The following FLT1 variants were observed in gnomAD, a reference collection of about 807,000 sequenced individuals.
FLT1 encodes the protein vascular endothelial growth factor receptor 1.
FLT1 carries 49 observed loss-of-function variants against 156.3 expected under a neutral mutation model. The observed-to-expected ratio is 0.31, with a 90% CI of 0.25 to 0.40. The LOEUF is 0.40. Ranked by LOEUF, FLT1 falls within the 10% of genes least tolerant of loss-of-function variation. The pLI is 1.00. For synonymous variants in FLT1, 594 were observed against 583.8 expected, an observed-to-expected ratio of 1.02 and a Z score of -0.25; for missense variants, 1,322 against 1,637.2, an observed-to-expected ratio of 0.81 and a Z score of 3.32.
chr13:28,433,476 T>C (rs1475994193), intron 6 of FLT1, among the ~76,000 whole-genome samples: 1 of 152,258 alleles, frequency 6.6e-6, no homozygotes, highest in East Asian at 1.9e-4. Context: ...AGGCAGTCCC[T>C]GCCTGGCATT....
chr13:28,429,229 AG>A (rs1877531688), intron 8 of FLT1, among the ~76,000 whole-genome samples: 1 of 152,210 alleles, frequency 6.6e-6, no homozygotes, highest in East Asian at 1.9e-4. Context: ...TAAGTATTTG[AG>A]GGAACTGCAA....
intron 10 of FLT1, among the ~76,000 whole-genome samples, chr13:28,411,534 G>A (rs1378913988): frequency 2.1e-5 from 2 of 97,032 alleles, no homozygotes; most frequent in African/African-American, 8.4e-5. Context: ...CAAGAAGAGC[G>A]AAACTCCATC....
intron 10 of FLT1, among the ~76,000 whole-genome samples, chr13:28,424,737 C>T (rs1029984582): frequency 7.9e-5 from 12 of 152,110 alleles, no homozygotes; most frequent in Non-Finnish European, 1.2e-4. Context: ...AATTATTCTA[C>T]GTATTTGAGA....
At chr13:28,361,108 G>A (rs1308879250) in intron 14 of FLT1, among the ~76,000 whole-genome samples, 2 of 151,828 alleles carry the variant, frequency 1.3e-5, no homozygotes, top group Non-Finnish European at 2.9e-5. Context: ...GTGACACCCC[G>A]TCTCTACTAA....
In FLT1 at chr13:28,431,541, C is replaced by T. The variant is rs761157064; in HGVS notation, c.814-231G>A. On this transcript the variant is annotated intron_variant, in intron 6 of 29. Transcript: ENST00000282397. ...TAGCACTTAATTTTCTTCAAATACA[C>T]TTTCACATATACTATCTCAATTGTT... Among the ~76,000 whole-genome samples, 6 of 152,304 alleles carry T rather than the reference C, an allele frequency of 3.9e-5. No homozygotes were observed. In the South Asian group the frequency reaches 1.2e-3, roughly 32 times the overall value.
At chr13:28,363,132 T>TA (rs1327150912) in intron 14 of FLT1, among the ~76,000 whole-genome samples, 5 of 152,248 alleles carry the variant, frequency 3.3e-5, no homozygotes, top group African/African-American at 4.8e-5. Flanking sequence ...AATCTGTTGA[T>TA]ACTCACTTTA....
chr13:28,487,688 G>A (rs1304380386), intron 1 of FLT1, among the ~76,000 whole-genome samples: 1 of 152,138 alleles, frequency 6.6e-6, no homozygotes, highest in African/African-American at 2.4e-5. Flanking sequence ...ACAATGCAGC[G>A]AGACAATGAC....
chr13:28,446,807 A>G (rs1878641400), intron 3 of FLT1, among the ~76,000 whole-genome samples: 1 of 152,244 alleles, frequency 6.6e-6, no homozygotes, highest in Non-Finnish European at 1.5e-5. Context: ...TCTAAAATTC[A>G]TATGAAATTG....
intron 1 of FLT1, among the ~76,000 whole-genome samples, chr13:28,484,118 C>A (rs628930): frequency 1.3e-5 from 2 of 152,008 alleles, no homozygotes; most frequent in Admixed American, 1.3e-4. Flanking sequence ...CCTGTGCTGA[C>A]ATGTTCACAT....
chr13:28,300,611 T>G lies in FLT1; in HGVS notation c.*2556A>C, dbSNP rs1257172859. The G allele has an allele frequency of 1.3e-5, 3 of 232,538 alleles. No homozygotes were observed. Among genetic ancestry groups the G allele is most frequent in the African/African-American group, 6.7e-5 (3 of 45,038 alleles). 14.4% of individuals were successfully genotyped at this position (232,538 alleles called of 1,614,324 possible). A position where few individuals can be genotyped will look rare whatever the true frequency, so the allele number is the denominator to read the frequency against. On this transcript the variant is annotated 3_prime_UTR_variant, in exon 30 of 30. Coordinates refer to ENST00000282397, the MANE Select transcript of FLT1 (RefSeq NM_002019.4). ...GCACTCCTCCTTTAATCAATTTAAA[T>G]GAGGCTAGCGAGTATCTGTTTGATG...
Position 28,303,194 on chromosome 13 carries a change from C to T in FLT1, c.3990G>A (p.Val1330=). Residue 1330 remains valine, a synonymous_variant, in exon 30 of 30, where the codon GTG becomes GTA. Coordinates refer to ENST00000282397, the MANE Select transcript of FLT1 (RefSeq NM_002019.4). Reference sequence around the variant, plus strand: ...AGATGGGTGGGGTGGAGTACAGGACCACCGAGTTGTAGTCTGGGGGCGGGG... The same window carrying T: ...AGATGGGTGGGGTGGAGTACAGGACTACCGAGTTGTAGTCTGGGGGCGGGG... The part of the protein sequence containing the change: ...CCSPPPDYNS[V]VLYSTPPI 6.2e-7 allele frequency: 1 copy of T among 1,612,062 alleles called. No homozygotes were observed. Among genetic ancestry groups the T allele is most frequent in the South Asian group, 1.1e-5 (1 of 91,052 alleles).
chr13:28,336,542 C>T (rs1872121456), intron 17 of FLT1, among the ~76,000 whole-genome samples: 1 of 152,152 alleles, frequency 6.6e-6, no homozygotes, highest in Admixed American at 6.5e-5. Flanking sequence ...GGCCAGGGGC[C>T]CTGGACACGC....
intron 10 of FLT1, 129 bp downstream of exon 10, chr13:28,427,030 C>G (rs1877382141): frequency 1.2e-6 from 1 of 854,780 alleles, no homozygotes; most frequent in Non-Finnish European, 2.0e-6. Context: ...TTTTCCAAGG[C>G]AGGGAGAGCC....
At chr13:28,377,837 A>C (rs1047537297) in intron 14 of FLT1, among the ~76,000 whole-genome samples, 2 of 152,336 alleles carry the variant, frequency 1.3e-5, no homozygotes, top group East Asian at 3.9e-4. Context: ...AAATGTTTCA[A>C]AACATGCTTT....
At position 28,467,090 on chromosome 13, in the gene FLT1, C is replaced by T; in HGVS notation, c.201G>A (p.Val67=). The T allele has an allele frequency of 6.2e-7, 1 of 1,614,106 alleles. No individual in the cohort carries two copies. The highest frequency in any genetic ancestry group is 1.1e-5 in the South Asian group (1 of 91,078). Reference sequence around the variant, plus strand: ...TGCTCAGCCTTTCGCTTTCCTTACTCACCATTTCAGGCAAAGACCATTTAT... The same window carrying T: ...TGCTCAGCCTTTCGCTTTCCTTACTTACCATTTCAGGCAAAGACCATTTAT... ...AAHKWSLPEM[V]SKESERLSIT... Residue 67 remains valine, a synonymous_variant, in exon 3 of 30, where the codon GTG becomes GTA. Transcript: ENST00000282397.
At chr13:28,304,388 C>T (rs1394346046) in intron 29 of FLT1, among the ~76,000 whole-genome samples, 1 of 152,168 alleles carries the variant, frequency 6.6e-6, no homozygotes, top group Non-Finnish European at 1.5e-5. Flanking sequence ...ATGCCCCTGT[C>T]TTTCCCATTT....
intron 3 of FLT1, among the ~76,000 whole-genome samples, chr13:28,441,674 C>T (rs1411065218): frequency 1.3e-5 from 2 of 152,168 alleles, no homozygotes; most frequent in Non-Finnish European, 2.9e-5. Flanking sequence ...GGTGCAGTGG[C>T]TCACACCTGT....
chr13:28,384,465 A>G (rs537408263), intron 14 of FLT1, among the ~76,000 whole-genome samples: 2,052 of 151,188 alleles, frequency 0.014, 15 homozygotes, highest in South Asian at 0.029. Flanking sequence ...AAAAAAAAAA[A>G]AAAGAAAGAA....
intron 10 of FLT1, among the ~76,000 whole-genome samples, chr13:28,410,572 A>G (rs1876102602): frequency 6.6e-6 from 1 of 152,204 alleles, no homozygotes; most frequent in South Asian, 2.1e-4. Context: ...AGACACACAG[A>G]TTTTTTTAAA....
Sources: gnomAD v4.1 joint callset for allele counts (sites outside exome capture counted in the v4.1 genomes callset) on GRCh38, gnomAD v4.1.1 for gene constraint, MANE v1.5 for transcripts, NCBI Gene and HGNC (gene_info 2026-07-23, HGNC 2026-07-21) for gene names.